NOX3: variants seen among roughly 807,000 people sequenced by gnomAD.
NOX3 encodes NADPH oxidase 3, also known as NADPH oxidase catalytic subunit-like 3.
Under a neutral mutation model 76.7 loss-of-function variants are expected in NOX3, and 74 were observed. The ratio of observed to expected loss-of-function variants is 0.96; its 90% confidence interval spans 0.80 to 1.17. The LOEUF (loss-of-function observed/expected upper bound fraction) is 1.17, where lower values mean the gene tolerates loss of function less well. Ranked by LOEUF, NOX3 falls within the 50% of genes most tolerant of loss-of-function variation. The pLI, the probability that NOX3 is intolerant of heterozygous loss-of-function variation, is 0.00. For synonymous variants in NOX3, 263 were observed against 261.1 expected, an observed-to-expected ratio of 1.01 and a Z score of -0.07; for missense variants, 695 against 703.3, an observed-to-expected ratio of 0.99 and a Z score of 0.13.
intron 6 of NOX3, among the ~76,000 whole-genome samples, chr6:155,439,405 T>G (rs1776951887): frequency 6.6e-6 from 1 of 152,046 alleles, no homozygotes; most frequent in Admixed American, 6.6e-5. Context: ...GAACAGTGTT[T>G]TACGGGATGT....
At chr6:155,397,401 A>G (rs1376183468) in intron 12 of NOX3, among the ~76,000 whole-genome samples, 2 of 152,016 alleles carry the variant, frequency 1.3e-5, no homozygotes, top group Admixed American at 6.6e-5. Context: ...CCTGGACTTG[A>G]CCTCCTTTTT....
At chr6:155,454,714 T>A (rs1777188405) in intron 3 of NOX3, 97 bp downstream of exon 3, 1 of 720,162 alleles carries the variant, frequency 1.4e-6, no homozygotes, top group Non-Finnish European at 2.2e-6. Flanking sequence ...TTAAACAGAA[T>A]TACTGAGAAT....
Position 155,454,923 on chromosome 6 carries a change from T to C in NOX3, c.145-2A>G, listed in dbSNP as rs772595359. On this transcript the variant is annotated splice_acceptor_variant, in intron 2 of 13. Transcript: ENST00000159060. LOFTEE classifies it high-confidence loss of function. The stretch of plus-strand genomic sequence containing the variant: ...TGCTCGTGCCCAAGCCAGTGTTGAC[T>C]GTCCACATGTAAAGACATAAAAAAG... 61 of 1,605,354 alleles carry C rather than the reference T, an allele frequency of 3.8e-5. 1 individual carries two copies. Among genetic ancestry groups the C allele is most frequent in the Non-Finnish European group, 5.0e-5 (59 of 1,174,032 alleles).
chr6:155,440,594 T>C (rs1214701324), intron 5 of NOX3, among the ~76,000 whole-genome samples: 1 of 151,552 alleles, frequency 6.6e-6, no homozygotes, highest in Non-Finnish European at 1.5e-5. Context: ...TGAGCCGTGA[T>C]GCTGCCTCTG....
At chr6:155,444,165 C>T (rs1308660998) in intron 4 of NOX3, among the ~76,000 whole-genome samples, 1 of 152,170 alleles carries the variant, frequency 6.6e-6, no homozygotes, top group Non-Finnish European at 1.5e-5. Context: ...CAGTAGTCCC[C>T]CCAGTCTAAA....
At position 155,422,803 on chromosome 6, in the gene NOX3, G is replaced by A; in HGVS notation, c.1199C>T (p.Pro400Leu). The A allele has an allele frequency of 6.2e-7, 1 of 1,614,168 alleles. No homozygotes were observed. The highest frequency in any genetic ancestry group is 8.5e-7 in the Non-Finnish European group (1 of 1,179,990). ...GTALTDVFHY[P>L]VCVCVAAGIG... ...CCCCGCGGCAACGCACACACACACT[G>A]GGTAGTGAAATACATCTGTCAGGGC... The change falls in exon 10 of 14, where the codon CCA (proline) becomes CTA (leucine). Residue 400 changes from proline to leucine, a missense_variant. Physicochemically the swap from Pro to Leu is moderately conservative, Grantham distance 98. Transcript: ENST00000159060.
At chr6:155,435,666 TG>T (rs1287276864) in intron 7 of NOX3, among the ~76,000 whole-genome samples, 1 of 152,230 alleles carries the variant, frequency 6.6e-6, no homozygotes, top group Non-Finnish European at 1.5e-5. Flanking sequence ...TTCCTCCTAC[TG>T]TTTATCTGCC....
At chr6:155,419,380 AG>A (rs1776660275) in intron 10 of NOX3, among the ~76,000 whole-genome samples, 1 of 152,192 alleles carries the variant, frequency 6.6e-6, no homozygotes, top group South Asian at 2.1e-4. Context: ...GTCCTGACTC[AG>A]TGGTGAACAA....
rs929886506 is a variant in NOX3, at chr6:155,442,312, A to T, written c.486+961T>A. ...AAAAAATAAAAGAAAAGGTAGCTCA[A>T]CTAAACCTGATCAATGGCCTGATAT... On this transcript the variant is annotated intron_variant, in intron 5 of 13. Coordinates refer to ENST00000159060, the MANE Select transcript of NOX3 (RefSeq NM_015718.3). Among the ~76,000 whole-genome samples, 8 of 152,322 alleles carry T rather than the reference A, an allele frequency of 5.3e-5. 1 individual carries two copies. The highest frequency in any genetic ancestry group is 3.9e-4 in the East Asian group (2 of 5,174).
At chr6:155,409,462 C>T (rs1233088640) in intron 11 of NOX3, among the ~76,000 whole-genome samples, 1 of 152,162 alleles carries the variant, frequency 6.6e-6, no homozygotes, top group African/African-American at 2.4e-5. Flanking sequence ...CCTACTTACA[C>T]TTGTGGTACC....
At chr6:155,419,000 G>A (rs1776655618) in intron 10 of NOX3, among the ~76,000 whole-genome samples, 1 of 152,226 alleles carries the variant, frequency 6.6e-6, no homozygotes. Context: ...TACAAAAGAG[G>A]ACAATCTGAA....
chr6:155,438,486 C>T (rs1013737689), intron 6 of NOX3, among the ~76,000 whole-genome samples: 6 of 152,174 alleles, frequency 3.9e-5, no homozygotes, highest in South Asian at 2.1e-4. Context: ...GCACTTCTTC[C>T]GTGGAGAATG....
intron 9 of NOX3, among the ~76,000 whole-genome samples, chr6:155,426,982 G>GGCGTGT (rs375465764): frequency 0.14 from 10,817 of 78,514 alleles, 1,465 homozygotes; most frequent in South Asian, 0.23. Context: ...TAGACACTGT[G>GGCGTGT]GCGTGTGTGT....
chr6:155,416,781 C>A (rs1217663981), intron 10 of NOX3, among the ~76,000 whole-genome samples: 1 of 122,120 alleles, frequency 8.2e-6, no homozygotes, highest in African/African-American at 3.4e-5. Context: ...GACGGAGTCT[C>A]GCGCTATCCT....
intron 4 of NOX3, among the ~76,000 whole-genome samples, chr6:155,444,960 T>C (rs1220349094): frequency 6.6e-6 from 1 of 152,236 alleles, no homozygotes; most frequent in Non-Finnish European, 1.5e-5. Flanking sequence ...ACCTTCTGTA[T>C]ATTCTTAAGA....
intron 7 of NOX3, among the ~76,000 whole-genome samples, chr6:155,432,461 AC>A (rs1294602002): frequency 1.3e-5 from 2 of 151,164 alleles, no homozygotes; most frequent in East Asian, 3.9e-4. Flanking sequence ...GACATTCACC[AC>A]CCCTCCCCGA....
chr6:155,454,582 AGCAATGAGTTGAGT>A (rs1217491406), intron 3 of NOX3, among the ~76,000 whole-genome samples: 1 of 152,216 alleles, frequency 6.6e-6, no homozygotes, highest in Non-Finnish European at 1.5e-5. Context: ...GAAACTGTTT[AGCAATGAGTTGAGT>A]GTCATGTAGG....
chr6:155,445,387 AT>A (rs1164609002), intron 4 of NOX3, among the ~76,000 whole-genome samples: 3 of 152,190 alleles, frequency 2.0e-5, no homozygotes, highest in African/African-American at 7.2e-5. Context: ...AGAAGATGTG[AT>A]GGGGAAAAAG....
In NOX3 at chr6:155,440,002, G is replaced by A. The variant is rs1776960143; in HGVS notation, c.622C>T (p.His208Tyr). The change falls in exon 6 of 14, where the codon CAT becomes TAT. Residue 208 changes from histidine (H) to tyrosine (Y), a missense_variant. Physicochemically the swap from His to Tyr is moderately conservative, Grantham distance 83 (BLOSUM62 2). Transcript: ENST00000159060. ...CTGAGAAAGAAGACGATGAAAACAT[G>A]GTGTGTGTACCAGAACAACTCATAG... ...ASYELFWYTH[H>Y]VFIVFFLSLA... is the part of the protein sequence containing the mutation. The A allele has an allele frequency of 6.2e-7, 1 of 1,613,756 alleles. No homozygotes were observed.
Sources: gnomAD v4.1 joint callset for allele counts (sites outside exome capture counted in the v4.1 genomes callset) on GRCh38, gnomAD v4.1.1 for gene constraint, MANE v1.5 for transcripts, NCBI Gene and HGNC (gene_info 2026-07-23, HGNC 2026-07-21) for gene names.